The following PRIMPOL variants were observed in gnomAD, a reference collection of about 807,000 sequenced individuals.
PRIMPOL encodes the protein primase and DNA directed polymerase.
Under a neutral mutation model 63.6 loss-of-function variants are expected in PRIMPOL, and 54 were observed. The ratio of observed to expected loss-of-function variants is 0.85; its 90% confidence interval spans 0.68 to 1.07. The LOEUF (loss-of-function observed/expected upper bound fraction) is 1.07, where lower values mean the gene tolerates loss of function less well. Among genes scored for constraint, PRIMPOL ranks in the 50% least tolerant of loss-of-function variants. PRIMPOL has a pLI of 0.00. For synonymous variants in PRIMPOL, 197 were observed against 220.2 expected, an observed-to-expected ratio of 0.89 and a Z score of 0.93; for missense variants, 610 against 648.3, an observed-to-expected ratio of 0.94 and a Z score of 0.64.
intron 4 of PRIMPOL, among the ~76,000 whole-genome samples, chr4:184,660,230 G>A (rs562100791): frequency 2.0e-5 from 3 of 150,662 alleles, no homozygotes; most frequent in Admixed American, 2.0e-4. Context: ...TTGTTGCCCA[G>A]GCTGGAGTAC....
At chr4:184,650,752 A>G (rs1744089170) in intron 1 of PRIMPOL, among the ~76,000 whole-genome samples, 1 of 152,236 alleles carries the variant, frequency 6.6e-6, no homozygotes, top group Non-Finnish European at 1.5e-5. Context: ...AGTTCTTGAC[A>G]TTCAGAAGTC....
At chr4:184,662,861 A>C (rs1748743680) in intron 5 of PRIMPOL, among the ~76,000 whole-genome samples, 1 of 151,762 alleles carries the variant, frequency 6.6e-6, no homozygotes, top group Non-Finnish European at 1.5e-5. Flanking sequence ...TGTTAGCTTT[A>C]TCCTGGCTTT....
chr4:184,661,850 A>G lies in PRIMPOL; in HGVS notation c.355A>G (p.Lys119Glu). 6.2e-7 allele frequency: 1 copy of G among 1,613,878 alleles called. No individual in the cohort carries two copies. The highest frequency in any genetic ancestry group is 8.5e-7 in the Non-Finnish European group (1 of 1,179,802). Residue 119 changes from lysine to glutamate, a missense_variant, in exon 5 of 14, where the codon AAA (lysine) becomes GAA (glutamate). Coordinates refer to ENST00000314970, the MANE Select transcript of PRIMPOL (RefSeq NM_152683.4). ...CKLYFDLEFN[K>E]PANPGADGKK... ...GCTTTATTTTGATTTGGAATTTAAC[A>G]AACCTGCCAACCCAGGAGCTGATGG...
At chr4:184,658,371 G>A (rs1441290246) in intron 3 of PRIMPOL, among the ~76,000 whole-genome samples, 1 of 152,084 alleles carries the variant, frequency 6.6e-6, no homozygotes, top group African/African-American at 2.4e-5. Flanking sequence ...ATAGATAGGG[G>A]TATGCTTGTT....
At chr4:184,660,496 TCA>T (rs1748023125) in intron 4 of PRIMPOL, among the ~76,000 whole-genome samples, 1 of 152,216 alleles carries the variant, frequency 6.6e-6, no homozygotes, top group African/African-American at 2.4e-5. Context: ...CAAGTATTTC[TCA>T]GACTTGAGTA....
At chr4:184,664,434 A>G (rs1222163657) in intron 5 of PRIMPOL, among the ~76,000 whole-genome samples, 1 of 152,258 alleles carries the variant, frequency 6.6e-6, no homozygotes, top group Non-Finnish European at 1.5e-5. Context: ...GGCTTAAACA[A>G]GACAGAAACC....
At chr4:184,674,818 G>C (rs2696045) in intron 7 of PRIMPOL, among the ~76,000 whole-genome samples, 1 of 152,162 alleles carries the variant, frequency 6.6e-6, no homozygotes, top group Non-Finnish European at 1.5e-5. Context: ...TGTAAGTTTA[G>C]GTCATCTGTT....
rs750138736 is a variant in PRIMPOL at position 184,694,533 on chromosome 4, T to TACA, written c.1441_1443dup (p.Thr481dup). On this transcript the variant is annotated inframe_insertion, in exon 14 of 14. Transcript: ENST00000314970. ...CCACTGAAATAAAGGAAGAAGAGTT[T>TACA]ACAACAGATGAAGCAGATGAAACTA... The TACA allele has an allele frequency of 1.2e-6, 2 of 1,611,400 alleles. No individual in the cohort carries two copies. Among genetic ancestry groups the TACA allele is most frequent in the Admixed American group, 1.7e-5 (1 of 59,934 alleles).
chr4:184,672,276 A>G lies in PRIMPOL; in HGVS notation c.660A>G (p.Ser220=), dbSNP rs1216508698. The part of the protein sequence containing the change: ...ETTGHGFPHF[S]EAPARQGFSF... ...CAGGCCATGGATTTCCCCATTTTTCAGAAGCACCTGCAAGACAAGGATTTT... is the reference window on the plus strand; with the variant it reads ...CAGGCCATGGATTTCCCCATTTTTCGGAAGCACCTGCAAGACAAGGATTTT... Residue 220 remains serine (S), a synonymous_variant, in exon 7 of 14, where the codon TCA becomes TCG. Transcript: ENST00000314970. 4 of 1,614,128 alleles carry G rather than the reference A, an allele frequency of 2.5e-6. No individual in the cohort carries two copies. The highest frequency in any genetic ancestry group is 3.4e-6 in the Non-Finnish European group (4 of 1,180,018).
At chr4:184,690,576 C>T (rs1214183930) in intron 11 of PRIMPOL, among the ~76,000 whole-genome samples, 1 of 152,172 alleles carries the variant, frequency 6.6e-6, no homozygotes, top group Non-Finnish European at 1.5e-5. Context: ...TCTCCTGCCT[C>T]AGCCTCCCAA....
At chr4:184,663,544 T>C (rs937332869) in intron 5 of PRIMPOL, among the ~76,000 whole-genome samples, 1 of 152,194 alleles carries the variant, frequency 6.6e-6, no homozygotes, top group Non-Finnish European at 1.5e-5. Context: ...CTGGAGCAAA[T>C]TTCATTTGTA....
chr4:184,664,626 C>G (rs963444779), intron 5 of PRIMPOL, among the ~76,000 whole-genome samples: 1 of 152,152 alleles, frequency 6.6e-6, no homozygotes, highest in Non-Finnish European at 1.5e-5. Context: ...TAGAGGATCA[C>G]TTAGAAGTGG....
chr4:184,665,683 T>C (rs1439670764), intron 5 of PRIMPOL, among the ~76,000 whole-genome samples: 2 of 151,960 alleles, frequency 1.3e-5, no homozygotes, highest in African/African-American at 4.8e-5. Flanking sequence ...TTTTATGGTT[T>C]TAGTAGAGAC....
rs187260256 is a variant in PRIMPOL, at chr4:184,684,640, C to T, written c.1097-769C>T. Among the ~76,000 whole-genome samples, 398 of 152,066 alleles carry T rather than the reference C, an allele frequency of 2.6e-3. 5 individuals are homozygous for T. Among genetic ancestry groups the T allele is most frequent in the African/African-American group, 8.8e-3 (365 of 41,490 alleles). On this transcript the variant is annotated intron_variant, in intron 9 of 13. Coordinates refer to ENST00000314970, the MANE Select transcript of PRIMPOL (RefSeq NM_152683.4). ...AATGGTGAGCACACACCATGGGAAA[C>T]TTCAGTAAAGTGGGGCATCTTGGGA...
At chr4:184,691,613 G>C (rs937653166) in intron 12 of PRIMPOL, 32 bp downstream of exon 12, 1 of 1,601,370 alleles carries the variant, frequency 6.2e-7, no homozygotes, top group South Asian at 1.1e-5. Flanking sequence ...TTACCACAAA[G>C]TAAAAATTAG....
intron 5 of PRIMPOL, among the ~76,000 whole-genome samples, chr4:184,664,033 G>A (rs940884859): frequency 6.6e-6 from 1 of 152,164 alleles, no homozygotes; most frequent in Non-Finnish European, 1.5e-5. Context: ...ATGAATTCTG[G>A]TGCTAATGTA....
intron 6 of PRIMPOL, 138 bp from the exon 7 acceptor site, chr4:184,672,035 C>T (rs369307066): frequency 4.8e-4 from 393 of 814,792 alleles, no homozygotes; most frequent in Admixed American, 8.5e-4. Context: ...CCACTGTGCC[C>T]GGCAGCAACC....
intron 6 of PRIMPOL, among the ~76,000 whole-genome samples, chr4:184,666,730 G>T (rs963893960): frequency 6.6e-6 from 1 of 152,112 alleles, no homozygotes; most frequent in Non-Finnish European, 1.5e-5. Flanking sequence ...CTTTGCTTCG[G>T]CCTTGCTTTG....
chr4:184,650,196 T>C (rs1743800835), intron 1 of PRIMPOL, among the ~76,000 whole-genome samples: 1 of 150,542 alleles, frequency 6.6e-6, no homozygotes, highest in Non-Finnish European at 1.5e-5. Context: ...ATCATAGTAG[T>C]GTACTTAATC....
Sources: allele counts gnomAD v4.1 joint callset (sites outside exome capture counted in the v4.1 genomes callset), GRCh38; gene constraint gnomAD v4.1.1; transcripts MANE v1.5; gene names NCBI Gene and HGNC (gene_info 2026-07-23, HGNC 2026-07-21).